Variants in RBFOX1 observed in about 807,000 individuals in gnomAD.
The protein encoded by RBFOX1 is RNA binding protein fox-1 homolog 1.
RBFOX1 carries 8 observed loss-of-function variants against 57.7 expected under a neutral mutation model. The ratio of observed to expected loss-of-function variants is 0.14; its 90% CI spans 0.08 to 0.25. The LOEUF (loss-of-function observed/expected upper bound fraction) is 0.25, where lower values mean the gene tolerates loss of function less well. RBFOX1 is among the 10% of genes least tolerant of loss of function. The pLI, the probability that RBFOX1 is intolerant of heterozygous loss-of-function variation, is 1.00. For missense variants in RBFOX1, 611 were observed against 548.5 expected, an observed-to-expected ratio of 1.11 and a Z score of -1.14; for synonymous variants, 326 against 222.4, an observed-to-expected ratio of 1.47 and a Z score of -4.15.
chr16:6,934,128 G>C (rs903210772), intron 3 of RBFOX1, among the ~76,000 whole-genome samples: 21 of 152,106 alleles, frequency 1.4e-4, no homozygotes, highest in African/African-American at 4.8e-4. Flanking sequence ...CCCATAGTGA[G>C]ACAGGGAACT....
chr16:7,167,677 C>T (rs1233231356), intron 4 of RBFOX1, among the ~76,000 whole-genome samples: 3 of 152,202 alleles, frequency 2.0e-5, no homozygotes, highest in African/African-American at 7.2e-5. Flanking sequence ...CACTAGAGGG[C>T]TGCAAACTAA....
At chr16:6,390,319 C>T (rs959401373) in intron 2 of RBFOX1, among the ~76,000 whole-genome samples, 1 of 152,156 alleles carries the variant, frequency 6.6e-6, no homozygotes, top group Non-Finnish European at 1.5e-5. Context: ...CTCCCCACCC[C>T]CAAATCCTGA....
chr16:7,432,281 G>T (rs1241420789), intron 4 of RBFOX1, among the ~76,000 whole-genome samples: 2 of 152,194 alleles, frequency 1.3e-5, no homozygotes, highest in Admixed American at 6.5e-5. Context: ...GGAGAGAAGT[G>T]AACTTTGGGA....
chr16:6,610,545 C>T (rs2098030999), intron 2 of RBFOX1, among the ~76,000 whole-genome samples: 2 of 152,064 alleles, frequency 1.3e-5, no homozygotes, highest in South Asian at 2.1e-4. Context: ...GCTAAGACTG[C>T]TCTCAAAATC....
chr16:5,950,498 G>C (rs1196940088), intron 4 of RBFOX1, among the ~76,000 whole-genome samples: 1 of 152,118 alleles, frequency 6.6e-6, no homozygotes. Context: ...GTGAAAATGA[G>C]CCCTCTCCCT....
intron 3 of RBFOX1, among the ~76,000 whole-genome samples, chr16:7,037,145 T>A (rs6500901): frequency 0.016 from 2,434 of 152,138 alleles, 70 homozygotes; most frequent in African/African-American, 0.055. Flanking sequence ...GACCTGTATC[T>A]TGTCTTGTGC....
intron 1 of RBFOX1, among the ~76,000 whole-genome samples, chr16:5,291,849 T>G (rs1420627868): frequency 3.3e-5 from 5 of 151,556 alleles, no homozygotes; most frequent in Non-Finnish European, 7.4e-5. Flanking sequence ...TGGGTTGGGT[T>G]GGCTGGAGGG....
chr16:7,646,609 T>G, intron 11 of RBFOX1, among the ~76,000 whole-genome samples: 1 of 152,220 alleles, frequency 6.6e-6, no homozygotes, highest in East Asian at 1.9e-4. Context: ...GGCAGTCTCA[T>G]GCAAATTCAA....
chr16:6,036,556 T>G (rs984277356), intron 1 of RBFOX1, among the ~76,000 whole-genome samples: 3 of 152,116 alleles, frequency 2.0e-5, no homozygotes, highest in Admixed American at 6.5e-5. Context: ...TCTAAGAAAA[T>G]AGAGAAAAAT....
chr16:6,845,252 G>A (rs557453105), intron 3 of RBFOX1, among the ~76,000 whole-genome samples: 4 of 151,788 alleles, frequency 2.6e-5, no homozygotes, highest in East Asian at 3.9e-4. Context: ...ATCCTTGCCC[G>A]TACCTGTGTC....
At chr16:5,892,715 A>G (rs138460065) in intron 4 of RBFOX1, among the ~76,000 whole-genome samples, 1 of 152,136 alleles carries the variant, frequency 6.6e-6, no homozygotes, top group African/African-American at 2.4e-5. Flanking sequence ...GATATGCAGC[A>G]CTCTCAAAGC....
chr16:6,365,721 G>A (rs1409118653), intron 2 of RBFOX1, among the ~76,000 whole-genome samples: 3 of 152,150 alleles, frequency 2.0e-5, no homozygotes, highest in Admixed American at 1.3e-4. Context: ...CCAGATTTAG[G>A]TCTGAGCACC....
intron 2 of RBFOX1, among the ~76,000 whole-genome samples, chr16:6,400,818 C>T (rs1397959538): frequency 6.6e-6 from 1 of 152,080 alleles, no homozygotes. Flanking sequence ...TCACGTGAAC[C>T]CAGGAGGCAG....
intron 3 of RBFOX1, among the ~76,000 whole-genome samples, chr16:6,831,034 G>A (rs1456971715): frequency 6.6e-6 from 1 of 152,158 alleles, no homozygotes; most frequent in Non-Finnish European, 1.5e-5. Context: ...TTTCCCAATT[G>A]ATCTCACTCT....
chr16:6,937,080 C>G (rs146201929), intron 3 of RBFOX1, among the ~76,000 whole-genome samples: 7 of 151,854 alleles, frequency 4.6e-5, no homozygotes, highest in African/African-American at 1.7e-4. Flanking sequence ...TACCCTAAAA[C>G]TTAAAGTATG....
At chr16:5,542,547 G>A (rs929071644) in intron 2 of RBFOX1, among the ~76,000 whole-genome samples, 1 of 151,608 alleles carries the variant, frequency 6.6e-6, no homozygotes, top group African/African-American at 2.4e-5. Flanking sequence ...GTGAACCACC[G>A]CATCCAGCCA....
intron 1 of RBFOX1, among the ~76,000 whole-genome samples, chr16:5,313,778 C>T (rs1296039339): frequency 1.3e-5 from 2 of 152,152 alleles, no homozygotes; most frequent in South Asian, 2.1e-4. Flanking sequence ...ATTCAGTTAC[C>T]TCCCACTAGG....
intron 3 of RBFOX1, among the ~76,000 whole-genome samples, chr16:5,849,268 C>T (rs2056832203): frequency 6.6e-6 from 1 of 152,078 alleles, no homozygotes; most frequent in Non-Finnish European, 1.5e-5. Flanking sequence ...ATGGAGTGCC[C>T]TGATTTTAGC....
intron 3 of RBFOX1, among the ~76,000 whole-genome samples, chr16:6,765,938 C>A (rs781075222): frequency 6.6e-6 from 1 of 152,048 alleles, no homozygotes; most frequent in Non-Finnish European, 1.5e-5. Context: ...TATGAGGATG[C>A]AAAGGTATAC....
Sources: allele counts gnomAD v4.1 joint callset (sites outside exome capture counted in the v4.1 genomes callset), GRCh38; gene constraint gnomAD v4.1.1; transcripts MANE v1.5; gene names NCBI Gene and HGNC (gene_info 2026-07-23, HGNC 2026-07-21).